ZNF521: variants seen among roughly 807,000 people sequenced by gnomAD.
ZNF521 encodes the protein zinc finger protein 521.
In ZNF521, 14 loss-of-function variants were observed where a neutral mutation model predicts 105.5. That is an observed-to-expected ratio of 0.13 (90% CI 0.09 to 0.21). The LOEUF is 0.21. Among genes scored for constraint, ZNF521 ranks in the 10% least tolerant of loss-of-function variants. The pLI, the probability that ZNF521 is intolerant of heterozygous loss-of-function variation, is 1.00. For synonymous variants in ZNF521, 635 were observed against 606.0 expected (o/e 1.05, Z -0.70); for missense variants, 1,233 against 1,629.7 (o/e 0.76, Z 4.19).
chr18:25,075,444 TCTTTA>T (rs760888761), intron 7 of ZNF521, among the ~76,000 whole-genome samples: 2 of 152,250 alleles, frequency 1.3e-5, no homozygotes, highest in Non-Finnish European at 2.9e-5. Context: ...GCCACCGGGC[TCTTTA>T]CTTCTGTCAC....
chr18:25,174,736 G>A (rs1189386837), intron 5 of ZNF521, among the ~76,000 whole-genome samples: 2 of 152,170 alleles, frequency 1.3e-5, no homozygotes, highest in African/African-American at 2.4e-5. Flanking sequence ...CAAGGCTCAG[G>A]AGACTATAAA....
intron 5 of ZNF521, among the ~76,000 whole-genome samples, chr18:25,165,959 T>G (rs1028288923): frequency 2.0e-5 from 3 of 152,202 alleles, no homozygotes; most frequent in Admixed American, 1.3e-4. Context: ...AACCACTCTG[T>G]GTGTTTAATT....
intron 5 of ZNF521, among the ~76,000 whole-genome samples, chr18:25,177,060 G>T (rs2035547672): frequency 6.6e-6 from 1 of 152,006 alleles, no homozygotes. Flanking sequence ...TTAACCTCTT[G>T]CCTGCTAAAT....
intron 5 of ZNF521, among the ~76,000 whole-genome samples, chr18:25,115,450 A>C (rs2034283481): frequency 1.3e-5 from 2 of 152,218 alleles, no homozygotes; most frequent in South Asian, 4.1e-4. Context: ...ACGAATAAAA[A>C]AAAACAGAAA....
chr18:25,298,189 A>G (rs1396601694), intron 3 of ZNF521, among the ~76,000 whole-genome samples: 1 of 152,230 alleles, frequency 6.6e-6, no homozygotes, highest in Non-Finnish European at 1.5e-5. Context: ...AAAGAAATGT[A>G]TATAACCACC....
At chr18:25,111,667 T>C (rs948865044) in intron 5 of ZNF521, among the ~76,000 whole-genome samples, 3 of 152,122 alleles carry the variant, frequency 2.0e-5, no homozygotes, top group Non-Finnish European at 4.4e-5. Context: ...TGTGATGCTT[T>C]CCTTCTTTTT....
At chr18:25,291,828 G>C (rs1475755306) in intron 3 of ZNF521, among the ~76,000 whole-genome samples, 2 of 151,932 alleles carry the variant, frequency 1.3e-5, no homozygotes, top group East Asian at 3.9e-4. Context: ...TGAGTTTCCA[G>C]AATACAATAA....
chr18:25,167,843 C>T (rs1175424837), intron 5 of ZNF521, among the ~76,000 whole-genome samples: 1 of 152,106 alleles, frequency 6.6e-6, no homozygotes, highest in Non-Finnish European at 1.5e-5. Context: ...TCCGCTCCCT[C>T]ATTACTTTAA....
intron 3 of ZNF521, among the ~76,000 whole-genome samples, chr18:25,318,288 C>G (rs978196617): frequency 6.6e-6 from 1 of 152,108 alleles, no homozygotes; most frequent in Non-Finnish European, 1.5e-5. Flanking sequence ...ATGGTTAAAA[C>G]AGCTCAAAAA....
Position 25,269,896 on chromosome 18 carries a change from C to A in ZNF521, c.221-42199G>T, listed in dbSNP as rs567552004. Among the ~76,000 whole-genome samples, 11 of 152,164 alleles carry A rather than the reference C, an allele frequency of 7.2e-5. No individual in the cohort carries two copies. In the South Asian group the frequency reaches 2.3e-3, roughly 32 times the overall value. ...ATTAAAAGATGTAGAGAAACAAGAA[C>A]AAACACATTCAAAAGCTAGCAGAAG... On this transcript the variant is annotated intron_variant, in intron 3 of 7. Coordinates refer to ENST00000361524, the MANE Select transcript of ZNF521 (RefSeq NM_015461.3).
intron 3 of ZNF521, among the ~76,000 whole-genome samples, chr18:25,275,400 A>G (rs1190431336): frequency 6.6e-6 from 1 of 152,204 alleles, no homozygotes; most frequent in Non-Finnish European, 1.5e-5. Context: ...GTTAAGATGA[A>G]TGCAAACTAG....
At chr18:25,089,645 T>A in intron 6 of ZNF521, 65 bp from the exon 7 acceptor site, 1 of 1,343,164 alleles carries the variant, frequency 7.4e-7, no homozygotes, top group Non-Finnish European at 1.1e-6. Flanking sequence ...AGTCGATGAC[T>A]CTGCATGAAC....
chr18:25,156,465 G>A (rs1374954218), intron 5 of ZNF521, among the ~76,000 whole-genome samples: 2 of 152,184 alleles, frequency 1.3e-5, no homozygotes, highest in Admixed American at 1.3e-4. Flanking sequence ...TCAAAGCAGA[G>A]ATGCAAAATT....
At chr18:25,218,746 G>A (rs1905502332) in intron 4 of ZNF521, among the ~76,000 whole-genome samples, 1 of 151,824 alleles carries the variant, frequency 6.6e-6, no homozygotes, top group Admixed American at 6.6e-5. Context: ...TACTCAGGAG[G>A]CTGAGGCAGG....
chr18:25,145,081 T>C (rs1269080548), intron 5 of ZNF521, among the ~76,000 whole-genome samples: 1 of 152,182 alleles, frequency 6.6e-6, no homozygotes, highest in Non-Finnish European at 1.5e-5. Context: ...AAAAAAACTA[T>C]CTCTGTAGCC....
At chr18:25,277,899 T>C (rs1397824964) in intron 3 of ZNF521, among the ~76,000 whole-genome samples, 1 of 152,078 alleles carries the variant, frequency 6.6e-6, no homozygotes, top group Non-Finnish European at 1.5e-5. Flanking sequence ...GATGCCACAA[T>C]CTTCCATTAA....
intron 3 of ZNF521, among the ~76,000 whole-genome samples, chr18:25,301,668 T>G (rs1654512442): frequency 1.3e-5 from 2 of 152,222 alleles, no homozygotes; most frequent in Non-Finnish European, 2.9e-5. Flanking sequence ...AAAGTCTTCC[T>G]TCTTAGAAAT....
intron 4 of ZNF521, among the ~76,000 whole-genome samples, chr18:25,198,162 G>A (rs2035933765): frequency 1.3e-5 from 2 of 151,508 alleles, no homozygotes; most frequent in Admixed American, 1.3e-4. Context: ...GTGCTACTTG[G>A]GAGTGGGATT....
intron 3 of ZNF521, among the ~76,000 whole-genome samples, chr18:25,252,446 T>C (rs1908183898): frequency 1.3e-5 from 2 of 152,134 alleles, no homozygotes; most frequent in South Asian, 4.1e-4. Context: ...CAGGTTCTGA[T>C]TCATAAACAC....
Sources: allele counts gnomAD v4.1 joint callset (sites outside exome capture counted in the v4.1 genomes callset), GRCh38; gene constraint gnomAD v4.1.1; transcripts MANE v1.5; gene names NCBI Gene and HGNC (gene_info 2026-07-23, HGNC 2026-07-21).